The following PRSS53 variants were observed in gnomAD, a reference collection of about 807,000 sequenced individuals.
PRSS53 encodes serine protease 53, also known as EDTP308.
Under a neutral mutation model 62.7 loss-of-function variants are expected in PRSS53, and 54 were observed. That is an observed-to-expected ratio of 0.86 (90% confidence interval 0.69 to 1.08). The LOEUF (loss-of-function observed/expected upper bound fraction) is 1.08, where lower values mean the gene tolerates loss of function less well. PRSS53 is among the 50% of genes least tolerant of loss of function. The pLI is 0.00. For synonymous variants in PRSS53, 273 were observed against 300.0 expected, an observed-to-expected ratio of 0.91 and a Z score of 0.93; for missense variants, 688 against 728.3, an observed-to-expected ratio of 0.94 and a Z score of 0.64.
chr16:31,086,040 C>G (rs537368971), exon 6 of PRSS53: 4 of 1,613,926 alleles, frequency 2.5e-6, no homozygotes, highest in Non-Finnish European at 3.4e-6. Flanking sequence ...GAACTCGAGC[C>G]TGCAGCCAGG....
exon 1 of PRSS53, chr16:31,088,837 G>T (rs750830384): frequency 6.2e-7 from 1 of 1,612,914 alleles, no homozygotes; most frequent in Admixed American, 1.7e-5. Context: ...TGCCACCTGT[G>T]CTCCACTCTG....
Position 31,084,102 on chromosome 16 carries a change from G to A in PRSS53, c.1642+17C>T. The A allele has an allele frequency of 6.4e-7, 1 of 1,557,080 alleles. No individual in the cohort carries two copies. On this transcript the variant is annotated intron_variant, in intron 10 of 10. Transcript: ENST00000280606. Reference sequence around the variant, plus strand: ...CTGGAGAGGCAGGGTTTGGCAGGAGGCCCCGGGGCCACATACTTATGTTGG... The same window carrying A: ...CTGGAGAGGCAGGGTTTGGCAGGAGACCCCGGGGCCACATACTTATGTTGG...
At chr16:31,087,638 C>A in exon 3 of PRSS53, 1 of 1,610,792 alleles carries the variant, frequency 6.2e-7, no homozygotes, top group Non-Finnish European at 8.5e-7. Flanking sequence ...GCCAGGGCCA[C>A]TCGCCAGGGA....
chr16:31,083,883 G>C (rs11864806), intron 10 of PRSS53, 74 bp from the exon 11 acceptor site: 648,481 of 1,592,912 alleles, frequency 0.41, 140,322 homozygotes, highest in South Asian at 0.7. Context: ...CCCATTCCTC[G>C]AAGGAACAGG....
chr16:31,087,534 T>G lies in PRSS53; in HGVS notation c.242+3A>C, dbSNP rs1447743958. 3.7e-6 allele frequency: 6 copies of G among 1,611,818 alleles called. No individual in the cohort carries two copies. The highest frequency in any genetic ancestry group is 5.1e-6 in the Non-Finnish European group (6 of 1,178,668). ...ACCCTGCCTGACCCCAGCCATGACTTACTTTTCAAAGCAGTGGGCAGCAGT... is the reference window on the plus strand; with the variant it reads ...ACCCTGCCTGACCCCAGCCATGACTGACTTTTCAAAGCAGTGGGCAGCAGT... On this transcript the variant is annotated splice_donor_region_variant and intron_variant, in intron 3 of 10. Coordinates refer to ENST00000280606, the Ensembl canonical transcript of PRSS53.
At chr16:31,083,483 G>A in exon 11 of PRSS53, 1 of 1,329,306 alleles carries the variant, frequency 7.5e-7, no homozygotes, top group Non-Finnish European at 9.7e-7. Context: ...GAAAACTGCT[G>A]CCCCCCAAAA....
In PRSS53 at chr16:31,088,345, C is replaced by T. The variant is rs376759850; in HGVS notation, c.58+407G>A. Reference sequence around the variant, plus strand: ...GCCCGCCAGAGAGAGGGCCCCTGCCCACCGCCCCTCACAGGCACACAGGCA... The same window carrying T: ...GCCCGCCAGAGAGAGGGCCCCTGCCTACCGCCCCTCACAGGCACACAGGCA... On this transcript the variant is annotated intron_variant, in intron 1 of 10. Transcript: ENST00000280606. 9.0e-5 allele frequency: 101 copies of T among 1,123,422 alleles called. 1 individual carries two copies. The East Asian group carries it at 4.5e-3, about 50-fold the overall frequency. The allele number at this position is 1,123,422 out of a possible 1,614,324, so 69.6% of individuals were successfully genotyped here. A position where few individuals can be genotyped will look rare whatever the true frequency, so the allele number is the denominator to read the frequency against.
At chr16:31,085,139 C>T (rs376206757) in exon 7 of PRSS53, 48 of 1,612,054 alleles carry the variant, frequency 3.0e-5, no homozygotes, top group East Asian at 2.5e-4. Flanking sequence ...CAGTTAGCAC[C>T]GCCTCCTCTG....
chr16:31,085,034 G>A lies in PRSS53; in HGVS notation c.1035-10C>T. The A allele has an allele frequency of 1.2e-6, 2 of 1,606,188 alleles. 1 individual carries two copies. The highest frequency in any genetic ancestry group is 2.2e-5 in the South Asian group (2 of 89,662). On this transcript the variant is annotated splice_polypyrimidine_tract_variant and intron_variant, in intron 7 of 10. Transcript: ENST00000280606. The stretch of plus-strand genomic sequence containing the variant: ...CTCTGGGGCCTGGCGCCTGTGCAGA[G>A]GCAGTGTGGACGGCACCAGGTGACA...
exon 11 of PRSS53, chr16:31,083,550 G>A (rs1396114347): frequency 7.0e-7 from 1 of 1,430,302 alleles, no homozygotes; most frequent in Non-Finnish European, 9.2e-7. Context: ...GGTAAAGGAG[G>A]AGGAAAGCTG....
chr16:31,084,356 C>G, intron 9 of PRSS53, 21 bp from the exon 10 acceptor site: 13 of 1,601,314 alleles, frequency 8.1e-6, no homozygotes, highest in Non-Finnish European at 1.1e-5. Context: ...TCAGGTGACA[C>G]TGGGTGACTT....
chr16:31,084,179 C>T, exon 10 of PRSS53: 1 of 1,608,216 alleles, frequency 6.2e-7, no homozygotes, highest in Non-Finnish European at 8.5e-7. Flanking sequence ...GCGAAGTAGA[C>T]CTGCCAGTCC....
chr16:31,084,511 G>A (rs1252142796), intron 9 of PRSS53, 47 bp downstream of exon 9: 6 of 1,567,520 alleles, frequency 3.8e-6, no homozygotes, highest in Non-Finnish European at 4.3e-6. Context: ...ATTGGGTGAG[G>A]GGATGCCAGG....
At chr16:31,086,889 T>G (rs781325618) in exon 4 of PRSS53, 1 of 1,594,618 alleles carries the variant, frequency 6.3e-7, no homozygotes, top group Non-Finnish European at 8.5e-7. Context: ...TCAGTTCTGT[T>G]GCTGCTGCCC....
intron 1 of PRSS53, chr16:31,088,326 CAG>C (rs368016662): frequency 1.2e-5 from 13 of 1,118,838 alleles, no homozygotes; most frequent in Admixed American, 4.5e-5. Context: ...GAGAGCCCGC[CAG>C]AGAGAGGGCC....
Position 31,083,898 on chromosome 16 carries a change from GTCTT to G in PRSS53, c.1643-93_1643-90del, listed in dbSNP as rs1735016299. On this transcript the variant is annotated intron_variant, in intron 10 of 10. Coordinates refer to ENST00000280606, the Ensembl canonical transcript of PRSS53. ...CCCATTCCTCGAAGGAACAGGGTCT[GTCTT>G]GGCCGCCATGACAGATGAGAATACT... 6 of 1,595,948 alleles carry G rather than the reference GTCTT, an allele frequency of 3.8e-6. No homozygotes were observed. The African/African-American group carries it at 5.4e-5, about 14-fold the overall frequency.
chr16:31,087,611 C>T (rs1290362605), exon 3 of PRSS53: 3 of 1,610,672 alleles, frequency 1.9e-6, no homozygotes, highest in East Asian at 4.5e-5. Flanking sequence ...GGGCTCCTTG[C>T]CTCCTCACAC....
At chr16:31,086,476 C>T (rs751943563) in exon 5 of PRSS53, 4 of 1,612,986 alleles carry the variant, frequency 2.5e-6, no homozygotes, top group African/African-American at 1.3e-5. Flanking sequence ...GCGCAGATTG[C>T]GTAGGGTCCC....
At position 31,087,762 on chromosome 16, in the gene PRSS53, C is replaced by T. The variant is rs761745103; in HGVS notation, c.79+44G>A. 5 of 1,614,030 alleles carry T rather than the reference C, an allele frequency of 3.1e-6. No individual in the cohort carries two copies. In the South Asian group the frequency reaches 4.4e-5, roughly 14 times the overall value. ...TGTCCTGACCTCACCCCAGTCCCAA[C>T]CCAGACCCAAGTAAGACCTAGGCCC... On this transcript the variant is annotated intron_variant, in intron 2 of 10. Transcript: ENST00000280606.
Sources: allele counts gnomAD v4.1 joint callset, GRCh38; gene constraint gnomAD v4.1.1; transcripts MANE v1.5; gene names NCBI Gene and HGNC (gene_info 2026-07-23, HGNC 2026-07-21).